Variants in SPIDR observed in about 807,000 individuals in gnomAD.
SPIDR encodes the protein DNA repair-scaffolding protein.
SPIDR carries 93 observed loss-of-function variants against 104.6 expected under a neutral mutation model. That is an observed-to-expected ratio of 0.89 (90% CI 0.75 to 1.06). SPIDR has a LOEUF of 1.06. Ranked by LOEUF, SPIDR falls within the 50% of genes least tolerant of loss-of-function variation. The probability of loss-of-function intolerance (pLI) is 0.00; values close to 1 mark genes in which losing one functional copy is unlikely to be tolerated. For synonymous variants in SPIDR, 431 were observed against 416.9 expected, an observed-to-expected ratio of 1.03 and a Z score of -0.41; for missense variants, 1,154 against 1,111.2, an observed-to-expected ratio of 1.04 and a Z score of -0.55.
At chr8:47,612,054 T>A (rs1468586345) in intron 10 of SPIDR, among the ~76,000 whole-genome samples, 1 of 152,170 alleles carries the variant, frequency 6.6e-6, no homozygotes, top group Non-Finnish European at 1.5e-5. Context: ...TTCTTTGGTG[T>A]GGAATCTCAG....
chr8:47,280,096 A>G, intron 2 of SPIDR, 79 bp downstream of exon 2: 2 of 1,411,218 alleles, frequency 1.4e-6, no homozygotes, highest in South Asian at 2.7e-5. Flanking sequence ...ATTACATTTC[A>G]TTGTAATTCC....
chr8:47,529,756 T>C (rs2085623736), intron 8 of SPIDR, among the ~76,000 whole-genome samples: 1 of 152,214 alleles, frequency 6.6e-6, no homozygotes, highest in Admixed American at 6.5e-5. Flanking sequence ...TCAGTGGTCA[T>C]AGTTCATGTA....
chr8:47,559,365 C>T (rs2056778037), intron 8 of SPIDR, among the ~76,000 whole-genome samples: 1 of 152,210 alleles, frequency 6.6e-6, no homozygotes, highest in African/African-American at 2.4e-5. Context: ...CTGGCTGTTA[C>T]TGTCTTCCTT....
intron 8 of SPIDR, among the ~76,000 whole-genome samples, chr8:47,546,215 A>G (rs998094057): frequency 3.3e-5 from 5 of 151,488 alleles, no homozygotes; most frequent in African/African-American, 1.2e-4. Flanking sequence ...GTAGAATTCA[A>G]TAATGAAGGT....
intron 5 of SPIDR, among the ~76,000 whole-genome samples, chr8:47,345,596 C>A (rs1423103145): frequency 6.6e-6 from 1 of 152,178 alleles, no homozygotes; most frequent in Non-Finnish European, 1.5e-5. Context: ...TATCCATGAG[C>A]ATGGAATGTT....
At chr8:47,470,611 C>T (rs969390084) in intron 8 of SPIDR, among the ~76,000 whole-genome samples, 3 of 152,156 alleles carry the variant, frequency 2.0e-5, no homozygotes, top group Non-Finnish European at 4.4e-5. Flanking sequence ...GCACTATGAT[C>T]ATTCAATATG....
chr8:47,431,615 A>G (rs1323168893), intron 7 of SPIDR, among the ~76,000 whole-genome samples: 5 of 152,102 alleles, frequency 3.3e-5, no homozygotes, highest in African/African-American at 1.2e-4. Flanking sequence ...TGCTCTCGTC[A>G]CTGGGGATTG....
intron 5 of SPIDR, among the ~76,000 whole-genome samples, chr8:47,352,644 A>C (rs2154282153): frequency 1.3e-5 from 2 of 152,328 alleles, no homozygotes; most frequent in East Asian, 3.9e-4. Flanking sequence ...GTGGTTGTGA[A>C]CTGCTTTTGC....
At chr8:47,617,214 A>T (rs2064446864) in intron 10 of SPIDR, among the ~76,000 whole-genome samples, 1 of 152,176 alleles carries the variant, frequency 6.6e-6, no homozygotes, top group African/African-American at 2.4e-5. Flanking sequence ...CTATGAAGTT[A>T]CTTTTTAAGA....
intron 7 of SPIDR, among the ~76,000 whole-genome samples, chr8:47,408,626 C>G (rs1159719421): frequency 6.6e-6 from 1 of 152,070 alleles, no homozygotes; most frequent in Non-Finnish European, 1.5e-5. Context: ...TAAAAGATAT[C>G]CAAGTTGGAA....
chr8:47,419,454 C>A lies in SPIDR; in HGVS notation c.877+11493C>A, dbSNP rs371147301. On this transcript the variant is annotated intron_variant, in intron 7 of 19. Transcript: ENST00000297423. ...ATGGTAGTTTGTATTTCTGTGGGAT[C>A]GGTGGTGATATCCCCTTTATCAATT... 3.3e-5 allele frequency among the ~76,000 whole-genome samples: 5 copies of A among 152,072 alleles called. 1 individual carries two copies. In the East Asian group the frequency reaches 9.6e-4, roughly 29 times the overall value.
intron 5 of SPIDR, among the ~76,000 whole-genome samples, chr8:47,394,615 C>G (rs2061035589): frequency 6.6e-6 from 1 of 152,076 alleles, no homozygotes; most frequent in South Asian, 2.1e-4. Context: ...TGGTCCAGTC[C>G]CAAATGTCAA....
chr8:47,496,843 T>A (rs2079539330), intron 8 of SPIDR, among the ~76,000 whole-genome samples: 1 of 151,036 alleles, frequency 6.6e-6, no homozygotes, highest in Non-Finnish European at 1.5e-5. Flanking sequence ...TTTGTTTGTT[T>A]GTCAGAAGTT....
chr8:47,396,982 A>C (rs1450453190), intron 6 of SPIDR, among the ~76,000 whole-genome samples: 1 of 152,146 alleles, frequency 6.6e-6, no homozygotes, highest in Non-Finnish European at 1.5e-5. Context: ...CTGCCAGGGC[A>C]ACACTTGCAA....
At chr8:47,404,964 C>T (rs1401972210) in intron 6 of SPIDR, among the ~76,000 whole-genome samples, 1 of 152,084 alleles carries the variant, frequency 6.6e-6, no homozygotes, top group Non-Finnish European at 1.5e-5. Flanking sequence ...AAATGTCCTT[C>T]AGTGATAGAG....
intron 10 of SPIDR, among the ~76,000 whole-genome samples, chr8:47,620,327 T>C (rs915447162): frequency 4.8e-5 from 7 of 145,304 alleles, no homozygotes; most frequent in African/African-American, 1.8e-4. Context: ...GAGGCTGGAG[T>C]GCAGTGGCGT....
chr8:47,652,062 T>C (rs1037614511), intron 10 of SPIDR, among the ~76,000 whole-genome samples: 2 of 152,184 alleles, frequency 1.3e-5, no homozygotes, highest in African/African-American at 4.8e-5. Flanking sequence ...TTCAACACTA[T>C]ACAATTCATC....
rs2057505528 is a variant in SPIDR, at chr8:47,564,393, A to T, written c.1098-31418A>T. Among the ~76,000 whole-genome samples, 4 of 149,554 alleles carry T rather than the reference A, an allele frequency of 2.7e-5. No individual in the cohort carries two copies. The South Asian group carries it at 9.2e-4, about 35-fold the overall frequency. ...CGCCCGACTTTTTACAGAATTTAGT[A>T]GTTAGGCTGGGTGCGGTGGCTCACG... On this transcript the variant is annotated intron_variant, in intron 8 of 19. Coordinates refer to ENST00000297423, the MANE Select transcript of SPIDR (RefSeq NM_001080394.4).
intron 5 of SPIDR, among the ~76,000 whole-genome samples, chr8:47,336,892 A>G (rs1186251405): frequency 6.6e-6 from 1 of 152,122 alleles, no homozygotes; most frequent in Non-Finnish European, 1.5e-5. Flanking sequence ...TCCCACTAGA[A>G]ATGTTTGAGG....
Sources: gnomAD v4.1 joint callset for allele counts (sites outside exome capture counted in the v4.1 genomes callset) on GRCh38, gnomAD v4.1.1 for gene constraint, MANE v1.5 for transcripts, NCBI Gene and HGNC (gene_info 2026-07-23, HGNC 2026-07-21) for gene names.